The following PTPRJ variants were observed in gnomAD, a reference collection of about 807,000 sequenced individuals.
The protein encoded by PTPRJ is protein tyrosine phosphatase receptor type J.
Under a neutral mutation model 141.3 loss-of-function variants are expected in PTPRJ, and 129 were observed. That is an observed-to-expected ratio of 0.91 (90% CI 0.79 to 1.06). The LOEUF (loss-of-function observed/expected upper bound fraction) is 1.06. PTPRJ is among the 50% of genes least tolerant of loss of function. The pLI is 0.00. For missense variants in PTPRJ, 1,601 were observed against 1,679.7 expected, an observed-to-expected ratio of 0.95 and a Z score of 0.82; for synonymous variants, 610 against 640.5, an observed-to-expected ratio of 0.95 and a Z score of 0.72.
chr11:48,142,229 CT>C (rs1437598154), intron 11 of PTPRJ, among the ~76,000 whole-genome samples: 1 of 152,178 alleles, frequency 6.6e-6, no homozygotes, highest in Admixed American at 6.5e-5. Context: ...CTTTAATATA[CT>C]GTTTTAATTA....
At chr11:47,996,334 CAAAAAAAAAAAAA>C (rs1292092161) in intron 1 of PTPRJ, among the ~76,000 whole-genome samples, 4 of 56,214 alleles carry the variant, frequency 7.1e-5, no homozygotes, top group African/African-American at 2.6e-4. Flanking sequence ...GACTCTGTCT[CAAAAAAAAAAAAA>C]AAAAAAAAAG....
At chr11:48,152,414 G>A (rs1857505743) in intron 18 of PTPRJ, among the ~76,000 whole-genome samples, 1 of 151,948 alleles carries the variant, frequency 6.6e-6, no homozygotes. Flanking sequence ...TCACTCTGAT[G>A]GTAGTTTCTT....
At chr11:48,121,887 A>G (rs547950696) in intron 4 of PTPRJ, among the ~76,000 whole-genome samples, 1 of 152,180 alleles carries the variant, frequency 6.6e-6, no homozygotes, top group South Asian at 2.1e-4. Context: ...TTGAAGAAAG[A>G]GGTCCTCTGT....
At position 48,168,752 on chromosome 11, in the gene PTPRJ, C is replaced by CA. The variant is rs1309403275; in HGVS notation, c.*1391dup. 1 of 147,512 alleles carries CA rather than the reference C, an allele frequency of 6.8e-6. No homozygotes were observed. Among genetic ancestry groups the CA allele is most frequent in the Non-Finnish European group, 1.5e-5 (1 of 67,008 alleles). 9.1% of individuals were successfully genotyped at this position (147,512 alleles called of 1,614,324 possible). On this transcript the variant is annotated 3_prime_UTR_variant, in exon 25 of 25. Transcript: ENST00000418331. The stretch of plus-strand genomic sequence containing the variant: ...TTTTTTTTTGCTTCAGGTGTGTATC[C>CA]ACCAAGAATTTCAAATTTATGTGGA...
At chr11:48,142,438 A>G (rs1239906943) in intron 11 of PTPRJ, among the ~76,000 whole-genome samples, 2 of 152,144 alleles carry the variant, frequency 1.3e-5, no homozygotes, top group East Asian at 1.9e-4. Context: ...AGTAGTGTCA[A>G]GTCTTCCAAC....
At chr11:48,024,573 T>C (rs180846092) in intron 1 of PTPRJ, among the ~76,000 whole-genome samples, 1 of 152,300 alleles carries the variant, frequency 6.6e-6, no homozygotes, top group Non-Finnish European at 1.5e-5. Context: ...ACGATCAAAG[T>C]AGTGGAGTCA....
At chr11:47,986,095 G>C (rs529943805) in intron 1 of PTPRJ, among the ~76,000 whole-genome samples, 1 of 152,286 alleles carries the variant, frequency 6.6e-6, no homozygotes, top group African/African-American at 2.4e-5. Flanking sequence ...AAGTAGCCAG[G>C]ACTGCAGGGA....
intron 2 of PTPRJ, among the ~76,000 whole-genome samples, chr11:48,110,396 C>T (rs942253397): frequency 6.6e-6 from 1 of 151,962 alleles, no homozygotes; most frequent in Non-Finnish European, 1.5e-5. Context: ...TTAGTAGAGA[C>T]GGGGCTTCCC....
chr11:48,052,878 C>T (rs1347726755), intron 1 of PTPRJ, among the ~76,000 whole-genome samples: 1 of 151,496 alleles, frequency 6.6e-6, no homozygotes, highest in Non-Finnish European at 1.5e-5. Context: ...TCCACCACCT[C>T]ACTATGCAGT....
Position 48,156,096 on chromosome 11 carries a change from A to C in PTPRJ, c.3415A>C (p.Thr1139Pro), listed in dbSNP as rs1365786041. The change falls in exon 21 of 25, where the codon ACT becomes CCT. Residue 1139 changes from threonine to proline, a missense_variant. By Grantham distance (38) the Thr-to-Pro change is conservative (BLOSUM62 -1). Coordinates refer to ENST00000418331, the MANE Select transcript of PTPRJ (RefSeq NM_002843.4). Reference sequence around the variant, plus strand: ...AAATGTATATGCCATCATTATGTTGACTAAATGTGTTGAACAGGGAAGAGT... The same window carrying C: ...AAATGTATATGCCATCATTATGTTGCCTAAATGTGTTGAACAGGGAAGAGT... ...EKNVYAIIML[T>P]KCVEQGRTKC... 6.3e-7 allele frequency: 1 copy of C among 1,595,680 alleles called. No homozygotes were observed.
At chr11:48,065,945 C>A (rs1309651698) in intron 1 of PTPRJ, among the ~76,000 whole-genome samples, 2 of 152,210 alleles carry the variant, frequency 1.3e-5, no homozygotes, top group Admixed American at 1.3e-4. Context: ...AATTGTCACT[C>A]TTGACTTGTT....
intron 1 of PTPRJ, among the ~76,000 whole-genome samples, chr11:48,020,559 C>T (rs536094660): frequency 1.2e-4 from 19 of 152,284 alleles, no homozygotes; most frequent in Non-Finnish European, 2.4e-4. Context: ...CGTAAATGAA[C>T]GCAGTGCAGT....
chr11:48,006,385 C>T (rs1055335964), intron 1 of PTPRJ, among the ~76,000 whole-genome samples: 84 of 151,670 alleles, frequency 5.5e-4, no homozygotes, highest in African/African-American at 1.5e-3. Context: ...AATCTAGGGG[C>T]GGGGAGGGAC....
intron 1 of PTPRJ, among the ~76,000 whole-genome samples, chr11:47,995,560 CA>C (rs750572114): frequency 7.2e-5 from 11 of 152,186 alleles, no homozygotes; most frequent in Non-Finnish European, 1.5e-4. Flanking sequence ...CCACAGAAAA[CA>C]AGAGTATCTT....
At chr11:48,159,159 G>GTGTGTGTGTT (rs1857699446) in intron 21 of PTPRJ, among the ~76,000 whole-genome samples, 1 of 119,116 alleles carries the variant, frequency 8.4e-6, no homozygotes, top group Non-Finnish European at 1.8e-5. Context: ...GTGTGTGTGT[G>GTGTGTGTGTT]TGGTCATTTG....
intron 1 of PTPRJ, among the ~76,000 whole-genome samples, chr11:48,064,374 T>C (rs1435473846): frequency 6.6e-6 from 1 of 152,070 alleles, no homozygotes; most frequent in African/African-American, 2.4e-5. Context: ...GCTGGACCTT[T>C]TGTGGGGAGA....
chr11:48,084,549 A>G (rs1855646275), intron 1 of PTPRJ, among the ~76,000 whole-genome samples: 1 of 152,172 alleles, frequency 6.6e-6, no homozygotes, highest in African/African-American at 2.4e-5. Context: ...GGCGGGTCAA[A>G]CTTGCTTAGT....
intron 18 of PTPRJ, among the ~76,000 whole-genome samples, chr11:48,152,745 G>A (rs1857514552): frequency 6.6e-6 from 1 of 152,106 alleles, no homozygotes; most frequent in Admixed American, 6.5e-5. Context: ...GTAGATGTGT[G>A]GTATTATTTC....
At chr11:48,088,062 C>T (rs189777397) in intron 1 of PTPRJ, among the ~76,000 whole-genome samples, 43 of 152,256 alleles carry the variant, frequency 2.8e-4, no homozygotes, top group African/African-American at 9.1e-4. Flanking sequence ...AGCTTTGAAA[C>T]CCCTCTAGCA....
Sources: gnomAD v4.1 joint callset for allele counts (sites outside exome capture counted in the v4.1 genomes callset) on GRCh38, gnomAD v4.1.1 for gene constraint, MANE v1.5 for transcripts, NCBI Gene and HGNC (gene_info 2026-07-23, HGNC 2026-07-21) for gene names.